The following PTPRM variants were observed in gnomAD, a reference collection of about 807,000 sequenced individuals.
PTPRM encodes receptor-type tyrosine-protein phosphatase mu.
PTPRM carries 47 observed loss-of-function variants against 186.7 expected under a neutral mutation model. That is an observed-to-expected ratio of 0.25 (90% CI 0.20 to 0.32). The LOEUF is 0.32. Ranked by LOEUF, PTPRM falls within the 10% of genes least tolerant of loss-of-function variation. PTPRM has a pLI of 1.00. For synonymous variants in PTPRM, 668 were observed against 674.9 expected (o/e 0.99, Z 0.16); for missense variants, 1,494 against 1,865.0 (o/e 0.80, Z 3.66).
chr18:7,679,860 GA>G lies in PTPRM; in HGVS notation c.74-94279del, dbSNP rs201146150. Among the ~76,000 whole-genome samples the G allele has an allele frequency of 2.1e-3, 311 of 148,610 alleles. 2 individuals are homozygous for G. Among genetic ancestry groups the G allele is most frequent in the East Asian group, 0.018 (92 of 5,062 alleles). Reference sequence around the variant, plus strand: ...TTAACTTTGACAATAGACTTTTTTTGAAAAAAAAAATATTTTATTTTTTGCG... The same window carrying G: ...TTAACTTTGACAATAGACTTTTTTTGAAAAAAAAATATTTTATTTTTTGCG... On this transcript the variant is annotated intron_variant, in intron 1 of 32. Coordinates refer to ENST00000580170, the MANE Select transcript of PTPRM (RefSeq NM_001105244.2).
intron 19 of PTPRM, among the ~76,000 whole-genome samples, chr18:8,280,529 C>T (rs1055176957): frequency 1.3e-5 from 2 of 152,140 alleles, no homozygotes; most frequent in African/African-American, 4.8e-5. Flanking sequence ...GCATCAGCCT[C>T]ATTGGTGGGT....
intron 2 of PTPRM, among the ~76,000 whole-genome samples, chr18:7,835,956 T>C (rs1437264839): frequency 6.6e-6 from 1 of 152,142 alleles, no homozygotes; most frequent in Admixed American, 6.5e-5. Flanking sequence ...AATATCTTTT[T>C]CCATCCCTTT....
intron 7 of PTPRM, among the ~76,000 whole-genome samples, chr18:8,019,364 A>G (rs908909421): frequency 5.3e-5 from 8 of 152,196 alleles, no homozygotes; most frequent in African/African-American, 1.7e-4. Context: ...AATTCTACCT[A>G]AATTTCTCTT....
chr18:7,805,104 C>T (rs998981752), intron 2 of PTPRM, among the ~76,000 whole-genome samples: 3 of 152,216 alleles, frequency 2.0e-5, no homozygotes, highest in African/African-American at 4.8e-5. Flanking sequence ...TCTTTATCCT[C>T]TTCTTCTCAG....
intron 14 of PTPRM, among the ~76,000 whole-genome samples, chr18:8,232,893 G>A (rs1356568245): frequency 6.6e-6 from 1 of 152,134 alleles, no homozygotes; most frequent in Non-Finnish European, 1.5e-5. Context: ...TATTTATTAG[G>A]CAAAAGAGAT....
chr18:7,830,684 C>T (rs1303538582), intron 2 of PTPRM, among the ~76,000 whole-genome samples: 5 of 152,108 alleles, frequency 3.3e-5, no homozygotes, highest in African/African-American at 9.7e-5. Flanking sequence ...TCCCAAGGGC[C>T]TTGAAATAGG....
chr18:8,079,471 ACT>A (rs2145170181), intron 9 of PTPRM, among the ~76,000 whole-genome samples: 1 of 152,302 alleles, frequency 6.6e-6, no homozygotes, highest in South Asian at 2.1e-4. Flanking sequence ...TTCAAATGTA[ACT>A]ACTATTAACA....
At chr18:7,662,760 C>T (rs1027091307) in intron 1 of PTPRM, among the ~76,000 whole-genome samples, 4 of 151,952 alleles carry the variant, frequency 2.6e-5, no homozygotes, top group African/African-American at 7.3e-5. Flanking sequence ...ATGTATACCC[C>T]GTTTACCCTG....
intron 2 of PTPRM, among the ~76,000 whole-genome samples, chr18:7,840,522 C>T (rs1199456645): frequency 2.0e-5 from 3 of 152,290 alleles, no homozygotes; most frequent in African/African-American, 7.2e-5. Flanking sequence ...GTGTAACTTT[C>T]CTGATCTGGA....
intron 2 of PTPRM, among the ~76,000 whole-genome samples, chr18:7,859,121 T>C (rs1475277350): frequency 6.6e-6 from 1 of 152,216 alleles, no homozygotes; most frequent in Admixed American, 6.5e-5. Flanking sequence ...ATTCCCAGTT[T>C]TGTGTAAACG....
intron 2 of PTPRM, among the ~76,000 whole-genome samples, chr18:7,843,512 T>C (rs1298381214): frequency 1.3e-5 from 2 of 152,206 alleles, no homozygotes; most frequent in Non-Finnish European, 1.5e-5. Flanking sequence ...GGGGAAGACC[T>C]ACTCCCAGAC....
chr18:7,660,178 A>C (rs1177228342), intron 1 of PTPRM, among the ~76,000 whole-genome samples: 1 of 152,050 alleles, frequency 6.6e-6, no homozygotes, highest in Non-Finnish European at 1.5e-5. Context: ...CTCTACTAAA[A>C]ATAAAAAAAT....
chr18:7,971,231 T>C (rs1273219157), intron 7 of PTPRM, among the ~76,000 whole-genome samples: 1 of 54,706 alleles, frequency 1.8e-5, no homozygotes, highest in Non-Finnish European at 3.6e-5. Flanking sequence ...ATTTAATAAA[T>C]GGTGCTGGGA....
chr18:8,117,080 C>G (rs1285694728), intron 13 of PTPRM, among the ~76,000 whole-genome samples: 1 of 152,196 alleles, frequency 6.6e-6, no homozygotes, highest in Non-Finnish European at 1.5e-5. Context: ...TTCATCAACC[C>G]TCCTTTCAGC....
At position 8,088,832 on chromosome 18, in the gene PTPRM, A is replaced by G. The variant is rs2090566796; in HGVS notation, c.1837A>G (p.Ser613Gly). Residue 613 changes from serine to glycine, a missense_variant, in exon 11 of 33, where the codon AGC (serine) becomes GGC (glycine). By Grantham distance (56) the Ser-to-Gly change is moderately conservative (BLOSUM62 0). Transcript: ENST00000580170. Reference protein sequence around the residue: ...TVTVMLKPAHSRGAPVSVYQI... With the variant: ...TVTVMLKPAHGRGAPVSVYQI... ...GACAGTCATGCTGAAACCTGCCCACAGCAGAGGAGCACCTGTCAGGTATGG... is the reference window on the plus strand; with the variant it reads ...GACAGTCATGCTGAAACCTGCCCACGGCAGAGGAGCACCTGTCAGGTATGG... 1.2e-6 allele frequency: 2 copies of G among 1,610,516 alleles called. No individual in the cohort carries two copies. Among genetic ancestry groups the G allele is most frequent in the South Asian group, 1.1e-5 (1 of 90,996 alleles).
chr18:8,215,954 T>A (rs2147013630), intron 14 of PTPRM, among the ~76,000 whole-genome samples: 1 of 152,272 alleles, frequency 6.6e-6, no homozygotes, highest in South Asian at 2.1e-4. Context: ...CAGCCCCCTG[T>A]CTGTCAATAA....
chr18:8,276,654 A>C (rs939794938), intron 19 of PTPRM, among the ~76,000 whole-genome samples: 1 of 152,180 alleles, frequency 6.6e-6, no homozygotes, highest in Non-Finnish European at 1.5e-5. Context: ...GCTCCATCTC[A>C]TATCTGTGTC....
intron 19 of PTPRM, among the ~76,000 whole-genome samples, chr18:8,267,913 C>A (rs898278596): frequency 3.3e-5 from 5 of 152,134 alleles, no homozygotes; most frequent in African/African-American, 1.2e-4. Flanking sequence ...TGAAAATTTT[C>A]TTTTGTGAAT....
At position 7,984,572 on chromosome 18, in the gene PTPRM, C is replaced by CATATATATATATAT. The variant is rs71354583; in HGVS notation, c.1132+29176_1132+29189dup. On this transcript the variant is annotated intron_variant, in intron 7 of 32. Coordinates refer to ENST00000580170, the MANE Select transcript of PTPRM (RefSeq NM_001105244.2). ...ATATATGCCCCATATATATATGCCC[C>CATATATATATATAT]ATATATATATATATATATATATATA... Among the ~76,000 whole-genome samples, 272 of 88,560 alleles carry CATATATATATATAT rather than the reference C, an allele frequency of 3.1e-3. 1 individual carries two copies. The highest frequency in any genetic ancestry group is 5.2e-3 in the South Asian group (15 of 2,882). The allele number at this position is 88,560 out of a possible 152,430, so 58.1% of individuals were successfully genotyped here. A position where few individuals can be genotyped will look rare whatever the true frequency, so the allele number is the denominator to read the frequency against.
Sources: allele counts gnomAD v4.1 joint callset (sites outside exome capture counted in the v4.1 genomes callset), GRCh38; gene constraint gnomAD v4.1.1; transcripts MANE v1.5; gene names NCBI Gene and HGNC (gene_info 2026-07-23, HGNC 2026-07-21).